SPIRE1: variants seen among roughly 807,000 people sequenced by gnomAD.
SPIRE1 encodes the protein protein spire homolog 1.
Under a neutral mutation model 94.1 loss-of-function variants are expected in SPIRE1, and 40 were observed. That is an observed-to-expected ratio of 0.43 (90% CI 0.33 to 0.55). The LOEUF is 0.55. Among genes scored for constraint, SPIRE1 ranks in the 20% least tolerant of loss-of-function variants. The probability of loss-of-function intolerance (pLI) is 0.06; values close to 1 mark genes in which losing one functional copy is unlikely to be tolerated. For missense variants in SPIRE1, 838 were observed against 975.2 expected, an observed-to-expected ratio of 0.86 and a Z score of 1.87; for synonymous variants, 376 against 371.7, an observed-to-expected ratio of 1.01 and a Z score of -0.13.
chr18:12,502,552 C>T (rs1390809903), intron 6 of SPIRE1, among the ~76,000 whole-genome samples: 3 of 152,094 alleles, frequency 2.0e-5, no homozygotes, highest in African/African-American at 7.2e-5. Flanking sequence ...AATGTAAATT[C>T]GTACAACCCT....
intron 4 of SPIRE1, among the ~76,000 whole-genome samples, chr18:12,519,072 T>G (rs1014659519): frequency 6.6e-6 from 1 of 152,194 alleles, no homozygotes; most frequent in Non-Finnish European, 1.5e-5. Flanking sequence ...TATAACACGC[T>G]TCTCCTCCCT....
chr18:12,503,118 GA>G (rs200503459), intron 6 of SPIRE1, among the ~76,000 whole-genome samples: 49,539 of 134,190 alleles, frequency 0.37, 10,621 homozygotes, highest in African/African-American at 0.64. Context: ...CAAAAAAAAA[GA>G]AAAAAAAAAA....
chr18:12,600,102 C>CAAAAAAAA (rs58628339), intron 2 of SPIRE1, among the ~76,000 whole-genome samples: 2 of 118,416 alleles, frequency 1.7e-5, no homozygotes, highest in African/African-American at 3.2e-5. Context: ...CAATGGCCAG[C>CAAAAAAAA]AAAAAAAAAA....
intron 2 of SPIRE1, among the ~76,000 whole-genome samples, chr18:12,633,834 A>G (rs2037846001): frequency 1.3e-5 from 2 of 152,194 alleles, no homozygotes; most frequent in Admixed American, 1.3e-4. Flanking sequence ...ACTGCTACTG[A>G]AAAGAACACC....
chr18:12,521,284 G>A (rs1451552535), intron 4 of SPIRE1, among the ~76,000 whole-genome samples: 3 of 151,706 alleles, frequency 2.0e-5, no homozygotes, highest in Non-Finnish European at 2.9e-5. Context: ...AATAATATAT[G>A]TACAGGCATA....
At chr18:12,545,216 A>T (rs2035128380) in intron 3 of SPIRE1, among the ~76,000 whole-genome samples, 1 of 152,262 alleles carries the variant, frequency 6.6e-6, no homozygotes, top group Non-Finnish European at 1.5e-5. Flanking sequence ...AATAAAACAC[A>T]TCAAATTTCT....
chr18:12,610,468 G>A (rs60876158), intron 2 of SPIRE1, among the ~76,000 whole-genome samples: 26,468 of 151,910 alleles, frequency 0.17, 2,395 homozygotes, highest in Admixed American at 0.25. Flanking sequence ...TCCTTCTTAA[G>A]CAGGTTAAAT....
intron 2 of SPIRE1, among the ~76,000 whole-genome samples, chr18:12,627,582 G>A (rs1186041854): frequency 1.3e-5 from 2 of 152,096 alleles, no homozygotes; most frequent in African/African-American, 2.4e-5. Context: ...CCCAGTAATG[G>A]GATCACTAGG....
rs71174108 is a variant in SPIRE1 at position 12,615,542 on chromosome 18, CA to C, written c.372+19519del. Among the ~76,000 whole-genome samples the C allele has an allele frequency of 3.3e-3, 248 of 75,782 alleles. 7 individuals are homozygous for C. Among genetic ancestry groups the C allele is most frequent in the African/African-American group, 9.6e-3 (213 of 22,096 alleles). The allele number at this position is 75,782 out of a possible 152,430, so 49.7% of individuals were successfully genotyped here. On this transcript the variant is annotated intron_variant, in intron 2 of 16. Transcript: ENST00000409402. ...GCGACAGAGAGAGACTCTATCTCCA[CA>C]AAAAAAAAAAAAATCCCAAATTTTA...
chr18:12,626,733 C>T (rs1002459081), intron 2 of SPIRE1, among the ~76,000 whole-genome samples: 5 of 151,934 alleles, frequency 3.3e-5, no homozygotes, highest in Non-Finnish European at 7.4e-5. Context: ...GCTATGTCGG[C>T]TTGGGCAAAT....
At chr18:12,534,985 A>G (rs2034793243) in intron 4 of SPIRE1, among the ~76,000 whole-genome samples, 1 of 152,238 alleles carries the variant, frequency 6.6e-6, no homozygotes, top group Non-Finnish European at 1.5e-5. Flanking sequence ...GCTATTTTAT[A>G]TAAGATCTCA....
chr18:12,567,202 A>C (rs942774306), intron 2 of SPIRE1, among the ~76,000 whole-genome samples: 2 of 152,220 alleles, frequency 1.3e-5, no homozygotes. Flanking sequence ...TTTGAAATTA[A>C]AAATATAATA....
intron 2 of SPIRE1, among the ~76,000 whole-genome samples, chr18:12,556,632 G>C (rs2035515399): frequency 6.6e-6 from 1 of 152,114 alleles, no homozygotes; most frequent in African/African-American, 2.4e-5. Context: ...CGCCATGAGT[G>C]TTACAGCTCT....
intron 1 of SPIRE1, among the ~76,000 whole-genome samples, chr18:12,639,842 C>G (rs1318378458): frequency 1.3e-5 from 2 of 151,568 alleles, no homozygotes; most frequent in Non-Finnish European, 2.9e-5. Context: ...GCACTCCAGC[C>G]TGGGCAACAG....
intron 12 of SPIRE1, among the ~76,000 whole-genome samples, chr18:12,461,045 T>G (rs2031773994): frequency 6.6e-6 from 1 of 152,024 alleles, no homozygotes; most frequent in Admixed American, 6.6e-5. Context: ...TCCTCAGTGA[T>G]TGCAAGTTAG....
chr18:12,536,364 A>G (rs2034841081), intron 3 of SPIRE1, among the ~76,000 whole-genome samples: 1 of 152,220 alleles, frequency 6.6e-6, no homozygotes, highest in African/African-American at 2.4e-5. Flanking sequence ...TAATGGAAAA[A>G]GAAACTGAGG....
At chr18:12,614,875 C>T (rs888723471) in intron 2 of SPIRE1, among the ~76,000 whole-genome samples, 2 of 151,632 alleles carry the variant, frequency 1.3e-5, no homozygotes, top group Non-Finnish European at 2.9e-5. Context: ...AAAATTTTAA[C>T]TTTGATCTTC....
chr18:12,556,860 C>G (rs1043235551), intron 2 of SPIRE1, among the ~76,000 whole-genome samples: 4 of 152,166 alleles, frequency 2.6e-5, no homozygotes, highest in African/African-American at 4.8e-5. Context: ...GAAGGGGACC[C>G]CAGCGGGTTG....
At chr18:12,576,700 T>C (rs528483851) in intron 2 of SPIRE1, among the ~76,000 whole-genome samples, 7 of 148,672 alleles carry the variant, frequency 4.7e-5, no homozygotes, top group Admixed American at 2.7e-4. Context: ...CCATCCTGGC[T>C]AACACGGTGA....
Sources: gnomAD v4.1 joint callset for allele counts (sites outside exome capture counted in the v4.1 genomes callset) on GRCh38, gnomAD v4.1.1 for gene constraint, MANE v1.5 for transcripts, NCBI Gene and HGNC (gene_info 2026-07-23, HGNC 2026-07-21) for gene names.